The following IFT88 variants were observed in gnomAD, a reference collection of about 807,000 sequenced individuals.
IFT88 encodes the protein intraflagellar transport protein 88 homolog.
Under a neutral mutation model 119.5 loss-of-function variants are expected in IFT88, and 74 were observed. The ratio of observed to expected loss-of-function variants is 0.62; its 90% CI spans 0.51 to 0.75. IFT88 has a LOEUF of 0.75. IFT88 is among the 30% of genes least tolerant of loss of function. IFT88 has a pLI of 0.00. For missense variants in IFT88, 961 were observed against 977.7 expected, an observed-to-expected ratio of 0.98 and a Z score of 0.23; for synonymous variants, 279 against 316.7, an observed-to-expected ratio of 0.88 and a Z score of 1.26.
intron 13 of IFT88, among the ~76,000 whole-genome samples, chr13:20,613,129 C>T (rs896335743): frequency 6.6e-6 from 1 of 151,986 alleles, no homozygotes; most frequent in African/African-American, 2.4e-5. Flanking sequence ...CTTCAGAGGA[C>T]GCTATCCAGA....
intron 24 of IFT88, among the ~76,000 whole-genome samples, chr13:20,690,244 G>T (rs1460273325): frequency 6.6e-6 from 1 of 152,168 alleles, no homozygotes; most frequent in East Asian, 1.9e-4. Context: ...AAACTGTGGG[G>T]CTAGAGGAGT....
chr13:20,568,302 A>G (rs116572547), intron 1 of IFT88, among the ~76,000 whole-genome samples: 1,889 of 152,342 alleles, frequency 0.012, 43 homozygotes, highest in African/African-American at 0.043. Flanking sequence ...TGCCTGGAGA[A>G]TCCAGAAACC....
chr13:20,591,584 A>T (rs752543988), intron 5 of IFT88, 34 bp from the exon 6 acceptor site: 2 of 1,516,934 alleles, frequency 1.3e-6, no homozygotes, highest in Non-Finnish European at 1.8e-6. Flanking sequence ...GATAGATCTT[A>T]TTTAAGAATA....
At chr13:20,640,664 C>T (rs895076755) in intron 17 of IFT88, among the ~76,000 whole-genome samples, 3 of 152,086 alleles carry the variant, frequency 2.0e-5, no homozygotes, top group Non-Finnish European at 4.4e-5. Flanking sequence ...TAGCACTTTC[C>T]TCCCCACTGA....
intron 13 of IFT88, among the ~76,000 whole-genome samples, chr13:20,606,614 C>G (rs1279228154): frequency 1.3e-5 from 2 of 152,200 alleles, no homozygotes; most frequent in East Asian, 3.9e-4. Flanking sequence ...CACGGTGGCT[C>G]ACGCCTGTAG....
rs1471225477 is a variant in IFT88, at chr13:20,567,867, TG to T, written c.-7+612del. ...TTTCTGGTTGTGAGTTTTTTTTGTT[TG>T]TTTTTTTTTTTTCGAGAAACTGCAG... On this transcript the variant is annotated intron_variant, in intron 1 of 25. Coordinates refer to ENST00000351808, the MANE Select transcript of IFT88 (RefSeq NM_006531.5). 83 of 928,312 alleles carry T rather than the reference TG, an allele frequency of 8.9e-5. No individual in the cohort carries two copies. In the African/African-American group the frequency reaches 1.1e-3, roughly 13 times the overall value. The allele number at this position is 928,312 out of a possible 1,614,324, so 57.5% of individuals were successfully genotyped here.
At chr13:20,671,311 C>T (rs1213613723) in intron 24 of IFT88, among the ~76,000 whole-genome samples, 1 of 152,128 alleles carries the variant, frequency 6.6e-6, no homozygotes, top group Non-Finnish European at 1.5e-5. Context: ...TCAGGTTGGA[C>T]AGATTATCAT....
At chr13:20,621,661 C>T (rs1237704857) in intron 14 of IFT88, among the ~76,000 whole-genome samples, 1 of 151,890 alleles carries the variant, frequency 6.6e-6, no homozygotes, top group Non-Finnish European at 1.5e-5. Flanking sequence ...ATATTTTCCC[C>T]ACTTCCTACC....
intron 1 of IFT88, among the ~76,000 whole-genome samples, chr13:20,569,579 A>T (rs2035820952): frequency 7.7e-6 from 1 of 129,882 alleles, no homozygotes; most frequent in Admixed American, 7.7e-5. Context: ...TCCCAAAAAA[A>T]AAAAAAATTT....
intron 16 of IFT88, among the ~76,000 whole-genome samples, chr13:20,634,247 G>A (rs75987100): frequency 0.012 from 1,854 of 152,244 alleles, 37 homozygotes; most frequent in African/African-American, 0.043. Context: ...TGAATGAGTC[G>A]TACGTGAATC....
intron 2 of IFT88, among the ~76,000 whole-genome samples, chr13:20,578,689 A>G (rs1365343414): frequency 3.3e-5 from 5 of 152,112 alleles, no homozygotes; most frequent in Admixed American, 1.3e-4. Context: ...AGCTGGGATT[A>G]CAGGCATGTG....
chr13:20,607,782 C>T (rs2043771819), intron 13 of IFT88: 4 of 745,446 alleles, frequency 5.4e-6, no homozygotes, highest in Non-Finnish European at 1.0e-5. Context: ...GCATCCTCAA[C>T]CTCGTCAGCT....
At chr13:20,667,293 A>G (rs1252388763) in intron 23 of IFT88, among the ~76,000 whole-genome samples, 1 of 152,172 alleles carries the variant, frequency 6.6e-6, no homozygotes, top group Admixed American at 6.5e-5. Flanking sequence ...CTCATATACC[A>G]TATGATGAGA....
At position 20,654,928 on chromosome 13, in the gene IFT88, C is replaced by A. The variant is rs562581669; in HGVS notation, c.2002+1000C>A. 1.2e-4 allele frequency among the ~76,000 whole-genome samples: 19 copies of A among 152,232 alleles called. No homozygotes were observed. In the East Asian group the frequency reaches 3.3e-3, roughly 26 times the overall value. On this transcript the variant is annotated intron_variant, in intron 21 of 25. Coordinates refer to ENST00000351808, the MANE Select transcript of IFT88 (RefSeq NM_006531.5). ...TTATGGAAGTACAGGATAGAAGCAG[C>A]AGCTAGCATTGAGAACTGGCTTTGG...
At chr13:20,684,234 G>A (rs910192064) in intron 24 of IFT88, among the ~76,000 whole-genome samples, 3 of 152,154 alleles carry the variant, frequency 2.0e-5, no homozygotes, top group East Asian at 1.9e-4. Context: ...AACTGAGAGC[G>A]GTCGCTCGAG....
chr13:20,567,868 GT>G (rs559121832), intron 1 of IFT88: 12,674 of 637,362 alleles, frequency 0.02, 15 homozygotes, highest in East Asian at 0.048. Context: ...TTTTTTGTTT[GT>G]TTTTTTTTTT....
chr13:20,611,595 A>C (rs1167350662), intron 13 of IFT88, among the ~76,000 whole-genome samples: 4 of 148,428 alleles, frequency 2.7e-5, no homozygotes, highest in African/African-American at 9.9e-5. Context: ...TCCGACTTTT[A>C]CCAGTTTTTT....
chr13:20,690,785 C>T lies in IFT88; in HGVS notation c.2323C>T (p.Pro775Ser). 6.2e-7 allele frequency: 1 copy of T among 1,613,342 alleles called. No homozygotes were observed. The highest frequency in any genetic ancestry group is 8.5e-7 in the Non-Finnish European group (1 of 1,179,342). The change falls in exon 25 of 26, where the codon CCT becomes TCT. Residue 775 changes from proline to serine, a missense_variant. By Grantham distance (74) the Pro-to-Ser change is moderately conservative. Transcript: ENST00000351808. ...CAGAGCTTTACCTGGGACAAATGAA[C>T]CTTATGAAAGTAGCAGTAACAAAGA... is the stretch of plus-strand genomic sequence containing the variant. Reference protein sequence around the residue: ...RLRALPGTNEPYESSSNKEID... With the variant: ...RLRALPGTNESYESSSNKEID...
chr13:20,639,582 G>A (rs2049539819), intron 17 of IFT88, among the ~76,000 whole-genome samples: 1 of 152,044 alleles, frequency 6.6e-6, no homozygotes, highest in Non-Finnish European at 1.5e-5. Context: ...AGGAAGGGAG[G>A]CTATGACCAC....
Sources: allele counts gnomAD v4.1 joint callset (sites outside exome capture counted in the v4.1 genomes callset), GRCh38; gene constraint gnomAD v4.1.1; transcripts MANE v1.5; gene names NCBI Gene and HGNC (gene_info 2026-07-23, HGNC 2026-07-21).